Variants in DOCK9 observed in about 807,000 individuals in gnomAD.
DOCK9 encodes the protein dedicator of cytokinesis protein 9.
Under a neutral mutation model 263.3 loss-of-function variants are expected in DOCK9, and 89 were observed. The observed-to-expected ratio is 0.34, with a 90% CI of 0.28 to 0.40. The LOEUF (loss-of-function observed/expected upper bound fraction) is 0.40. Ranked by LOEUF, DOCK9 falls within the 10% of genes least tolerant of loss-of-function variation. The probability of loss-of-function intolerance (pLI) is 1.00; values close to 1 mark genes in which losing one functional copy is unlikely to be tolerated. For missense variants in DOCK9, 2,140 were observed against 2,603.4 expected (o/e 0.82, Z 3.87); for synonymous variants, 976 against 973.1 (o/e 1.00, Z -0.06).
Position 98,885,084 on chromosome 13 carries a change from A to T in DOCK9, c.2269T>A (p.Ser757Thr), listed in dbSNP as rs200500566. Reference sequence around the variant, plus strand: ...CCGTCTTTCAGGAGGGGAAGCCAGGAGTAGCCAACTGTTGAAAACAAAGAA... The same window carrying T: ...CCGTCTTTCAGGAGGGGAAGCCAGGTGTAGCCAACTGTTGAAAACAAAGAA... ...RDVVETQVGY[S>T]WLPLLKDGRV... is the part of the protein sequence containing the mutation. Residue 757 changes from serine to threonine, a missense_variant, in exon 21 of 53, where the codon TCC (serine) becomes ACC (threonine). Around this residue, in one of 2 missense-constraint regions of DOCK9, gnomAD observed 1,521 missense variants for 1,741.7 expected, o/e 0.87. Transcript: ENST00000682017. The T allele has an allele frequency of 5.6e-6, 9 of 1,613,566 alleles. No individual in the cohort carries two copies. The highest frequency in any genetic ancestry group is 2.2e-5 in the South Asian group (2 of 90,986).
chr13:98,829,265 GT>G lies in DOCK9; in HGVS notation c.4965+41del, dbSNP rs749126939. ...TTTTTAAGTGAATGGGGCCTCACTG[GT>G]TTTTTCAAAAACCCATTCAAGCGGC... On this transcript the variant is annotated intron_variant, in intron 43 of 52. Coordinates refer to ENST00000682017, the MANE Select transcript of DOCK9 (RefSeq NM_001366683.2). The surrounding 1 kb of genome is among the most constrained non-coding windows in gnomAD (Gnocchi z 4.1). The G allele has an allele frequency of 1.3e-6, 2 of 1,559,308 alleles. No homozygotes were observed. The highest frequency in any genetic ancestry group is 3.7e-5 in the Admixed American group (2 of 53,900).
chr13:99,052,609 G>A (rs572124983), intron 1 of DOCK9, among the ~76,000 whole-genome samples: 3 of 151,984 alleles, frequency 2.0e-5, no homozygotes, highest in East Asian at 3.9e-4. Flanking sequence ...AGGTTTGTGG[G>A]GGTAGACACA....
intron 1 of DOCK9, among the ~76,000 whole-genome samples, chr13:99,002,049 C>T (rs773544508): frequency 3.3e-5 from 5 of 152,206 alleles, no homozygotes; most frequent in South Asian, 2.1e-4. Context: ...ACCACTACCA[C>T]GGAGTCAGAA....
At chr13:99,081,509 G>A (rs1357607844) in intron 1 of DOCK9, among the ~76,000 whole-genome samples, 1 of 152,256 alleles carries the variant, frequency 6.6e-6, no homozygotes, top group Non-Finnish European at 1.5e-5. Flanking sequence ...GATAAGATCA[G>A]TAAGGAAGCC....
chr13:99,050,570 G>A (rs1037095007), intron 1 of DOCK9, among the ~76,000 whole-genome samples: 9 of 152,158 alleles, frequency 5.9e-5, no homozygotes, highest in Non-Finnish European at 5.9e-5. Context: ...GCGGGCGCCT[G>A]TAATCCCAGC....
chr13:98,841,441 CCT>C (rs1416340321), intron 38 of DOCK9, among the ~76,000 whole-genome samples: 1 of 152,178 alleles, frequency 6.6e-6, no homozygotes, highest in Non-Finnish European at 1.5e-5. Context: ...GACCTGCTCA[CCT>C]CTGAGACCCC....
intron 1 of DOCK9, among the ~76,000 whole-genome samples, chr13:99,017,439 A>G (rs1436187297): frequency 6.6e-6 from 1 of 152,252 alleles, no homozygotes; most frequent in East Asian, 1.9e-4. Flanking sequence ...GTACCTGGAA[A>G]TGTAAAATTA....
chr13:98,803,338 G>C (rs1244495861), intron 49 of DOCK9, among the ~76,000 whole-genome samples: 2 of 152,186 alleles, frequency 1.3e-5, no homozygotes, highest in Non-Finnish European at 2.9e-5. Context: ...TTATGAATCC[G>C]TACACTGCCT....
chr13:98,800,398 C>T lies in DOCK9; in HGVS notation c.5806G>A (p.Ala1936Thr). 6.2e-7 allele frequency: 1 copy of T among 1,613,952 alleles called. No individual in the cohort carries two copies. Among genetic ancestry groups the T allele is most frequent in the Non-Finnish European group, 8.5e-7 (1 of 1,179,880 alleles). Reference sequence around the variant, plus strand: ...ACCTTCTTACTCATCTCGTCAATGGCCACCTCGATGGGGTTCAGGTCAGTG... The same window carrying T: ...ACCTTCTTACTCATCTCGTCAATGGTCACCTCGATGGGGTTCAGGTCAGTG... ...HHTDLNPIEVAIDEMSKKVAE... is the reference protein window; with the variant it reads ...HHTDLNPIEVTIDEMSKKVAE... The change falls in exon 50 of 53, where the codon GCC becomes ACC. Residue 1936 changes from alanine to threonine, a missense_variant. Around this residue, in one of 2 missense-constraint regions of DOCK9, gnomAD observed 619 missense variants for 861.8 expected, o/e 0.72. Transcript: ENST00000682017.
chr13:98,820,812 C>T (rs1366300495), intron 45 of DOCK9: 4 of 230,510 alleles, frequency 1.7e-5, no homozygotes, highest in Non-Finnish European at 3.5e-5. Context: ...TAACCATAAA[C>T]ATCTAGAGGC....
At chr13:99,026,456 GAA>G (rs1358396048) in intron 1 of DOCK9, among the ~76,000 whole-genome samples, 4 of 152,220 alleles carry the variant, frequency 2.6e-5, no homozygotes, top group Admixed American at 1.3e-4. Context: ...TGCATATGCA[GAA>G]GAGAGGACAG....
upstream of DOCK9, among the ~76,000 whole-genome samples, chr13:98,982,141 T>C (rs1877366073): frequency 6.6e-6 from 1 of 152,206 alleles, no homozygotes; most frequent in Non-Finnish European, 1.5e-5. Flanking sequence ...GCTTCTGTAA[T>C]GGGGTTCAGG....
intron 45 of DOCK9, among the ~76,000 whole-genome samples, chr13:98,812,973 CTT>C (rs2091460185): frequency 6.6e-6 from 1 of 152,078 alleles, no homozygotes; most frequent in African/African-American, 2.4e-5. Context: ...AAGGAAAGTG[CTT>C]TGTTTGAATA....
intron 41 of DOCK9, 112 bp downstream of exon 41, chr13:98,831,236 T>C (rs2092750238): frequency 1.6e-6 from 2 of 1,220,848 alleles, no homozygotes; most frequent in Admixed American, 2.8e-5. Flanking sequence ...GTTTTCCAGA[T>C]CTTGCAGTAT....
chr13:98,871,224 A>G (rs1176480424), intron 27 of DOCK9, among the ~76,000 whole-genome samples: 1 of 152,232 alleles, frequency 6.6e-6, no homozygotes, highest in Non-Finnish European at 1.5e-5. Flanking sequence ...AAATACTACA[A>G]GGTAAAAATG....
chr13:98,847,942 G>A lies in DOCK9; in HGVS notation c.4061+650C>T, dbSNP rs1380623239. On this transcript the variant is annotated intron_variant, in intron 37 of 52. Transcript: ENST00000682017. ...GCGAAGAAACGCCCCCAAAGAAGGC[G>A]TGTCCAGCCACACAGCTGCAAGGAG... Among the ~76,000 whole-genome samples, 20 of 152,360 alleles carry A rather than the reference G, an allele frequency of 1.3e-4. No homozygotes were observed. In the East Asian group the frequency reaches 3.7e-3, roughly 28 times the overall value.
At chr13:98,931,163 C>T (rs1419621792) in intron 2 of DOCK9, among the ~76,000 whole-genome samples, 1 of 152,196 alleles carries the variant, frequency 6.6e-6, no homozygotes, top group African/African-American at 2.4e-5. Flanking sequence ...CTCCAACGGA[C>T]ATTAGAACTG....
chr13:99,065,160 G>A (rs1165532650), intron 1 of DOCK9, among the ~76,000 whole-genome samples: 2 of 152,196 alleles, frequency 1.3e-5, no homozygotes, highest in African/African-American at 2.4e-5. Flanking sequence ...GTGGAGAGAG[G>A]AAGGAGGATT....
At chr13:98,959,875 CTT>C (rs990878163) in intron 1 of DOCK9, among the ~76,000 whole-genome samples, 5 of 152,120 alleles carry the variant, frequency 3.3e-5, no homozygotes, top group Admixed American at 2.0e-4. Flanking sequence ...ATTTTCAACT[CTT>C]TTTTAAACTG....
Sources: allele counts gnomAD v4.1 joint callset (sites outside exome capture counted in the v4.1 genomes callset), GRCh38; gene constraint gnomAD v4.1.1; regional missense constraint gnomAD v4.1.1; non-coding constraint Gnocchi (gnomAD v3.1); transcripts MANE v1.5; gene names NCBI Gene and HGNC (gene_info 2026-07-23, HGNC 2026-07-21).